The following PNPLA4 variants were observed in gnomAD, a reference collection of about 807,000 sequenced individuals.
PNPLA4 encodes the protein patatin like domain 4, phospholipase and triacylglycerol lipase.
In PNPLA4, 15 loss-of-function variants were observed where a neutral mutation model predicts 18.3. That is an observed-to-expected ratio of 0.82 (90% confidence interval 0.55 to 1.26). PNPLA4 has a LOEUF of 1.26. PNPLA4 is among the 50% of genes most tolerant of loss of function. The pLI is 0.00. For missense variants in PNPLA4, 229 were observed against 196.8 expected, an observed-to-expected ratio of 1.16 and a Z score of -0.98; for synonymous variants, 88 against 85.6, an observed-to-expected ratio of 1.03 and a Z score of -0.16.
chrX:7,922,003 C>T lies in PNPLA4; in HGVS notation c.275+1G>A. The T allele has an allele frequency of 8.4e-7, 1 of 1,196,932 alleles. No homozygotes were observed. Among genetic ancestry groups the T allele is most frequent in the Non-Finnish European group, 1.1e-6 (1 of 882,501 alleles). On this transcript the variant is annotated splice_donor_variant, in intron 3 of 6. Transcript: ENST00000381042. LOFTEE classifies it high-confidence loss of function. ...TTTTGGGCAAAATGTACTCTGTATACCTTAGTCGGGCCATGAAGTCATAAC... is the reference window on the plus strand; with the variant it reads ...TTTTGGGCAAAATGTACTCTGTATATCTTAGTCGGGCCATGAAGTCATAAC...
chrX:7,911,877 A>G, intron 5 of PNPLA4, 151 bp downstream of exon 5: 3 of 393,769 alleles, frequency 7.6e-6, no homozygotes, highest in East Asian at 8.7e-5. Context: ...AGCCCTGTAT[A>G]TTCTTTCCCT....
At chrX:7,909,833 C>G (rs1417939015) in intron 5 of PNPLA4, among the ~76,000 whole-genome samples, 1 of 111,249 alleles carries the variant, frequency 9.0e-6, no homozygotes, top group African/African-American at 3.3e-5. Context: ...CATTGCCCAA[C>G]AATGAAATAA....
intron 1 of PNPLA4, among the ~76,000 whole-genome samples, chrX:7,926,811 T>C (rs1924427668): frequency 1.8e-5 from 2 of 112,401 alleles, no homozygotes; most frequent in African/African-American, 6.5e-5. Context: ...CACATCTAAA[T>C]ACAAAATTAC....
intron 5 of PNPLA4, among the ~76,000 whole-genome samples, chrX:7,904,721 G>A (rs1923653635): frequency 8.9e-6 from 1 of 112,252 alleles, no homozygotes; most frequent in African/African-American, 3.2e-5. Context: ...TGAATTCTCT[G>A]GCTGTTCACA....
chrX:7,908,243 C>T (rs1923770682), intron 5 of PNPLA4, among the ~76,000 whole-genome samples: 1 of 111,467 alleles, frequency 9.0e-6, no homozygotes, highest in South Asian at 3.8e-4. Context: ...CTCTGCCTTT[C>T]CTGACTCAGT....
intron 2 of PNPLA4, among the ~76,000 whole-genome samples, chrX:7,922,909 G>A (rs1214920944): frequency 8.9e-6 from 1 of 112,231 alleles, no homozygotes; most frequent in African/African-American, 3.2e-5. Context: ...AGAGTCATAA[G>A]TGCCTCCAAG....
chrX:7,922,018 G>T lies in PNPLA4; in HGVS notation c.261C>A (p.Phe87Leu), dbSNP rs764570270. The change falls in exon 3 of 7, where the codon TTC (phenylalanine) becomes TTA (leucine). Residue 87 changes from phenylalanine to leucine, a missense_variant. By Grantham distance (22) the Phe-to-Leu change is conservative. Transcript: ENST00000381042. ...ACTCTGTATACCTTAGTCGGGCCAT[G>T]AAGTCATAACCGGGCGTTACTGCCC... ...SFGAVTPGYDFMARLRSGMES... is the reference protein window; with the variant it reads ...SFGAVTPGYDLMARLRSGMES... 18 of 1,204,152 alleles carry T rather than the reference G, an allele frequency of 1.5e-5. No homozygotes were observed. The East Asian group carries it at 4.7e-4, about 32-fold the overall frequency.
At chrX:7,901,439 T>C (rs993378563) in intron 6 of PNPLA4, among the ~76,000 whole-genome samples, 3 of 109,835 alleles carry the variant, frequency 2.7e-5, no homozygotes, top group African/African-American at 1.0e-4. Flanking sequence ...TTTAAAAAAG[T>C]AGTTGGGTGT....
At chrX:7,907,299 G>GT (rs1569104228) in intron 5 of PNPLA4, among the ~76,000 whole-genome samples, 2 of 112,204 alleles carry the variant, frequency 1.8e-5, no homozygotes, top group African/African-American at 6.5e-5. Flanking sequence ...AATTACAGGC[G>GT]TGAGCCACTG....
At chrX:7,901,584 C>T (rs1045981083) in intron 6 of PNPLA4, among the ~76,000 whole-genome samples, 2 of 111,320 alleles carry the variant, frequency 1.8e-5, no homozygotes, top group Non-Finnish European at 3.8e-5. Context: ...AACACCCTCT[C>T]TCAAAGAAGA....
At chrX:7,923,436 G>A (rs1924297028) in intron 2 of PNPLA4, among the ~76,000 whole-genome samples, 1 of 112,184 alleles carries the variant, frequency 8.9e-6, no homozygotes, top group African/African-American at 3.2e-5. Flanking sequence ...GAGAGAGTGA[G>A]CATGGACATT....
At chrX:7,911,943 A>C (rs1923888631) in intron 5 of PNPLA4, 85 bp downstream of exon 5, 3 of 645,116 alleles carry the variant, frequency 4.7e-6, no homozygotes, top group Non-Finnish European at 7.5e-6. Context: ...ATTTGAAGCC[A>C]CTAGAATAAT....
At chrX:7,909,155 T>C (rs930205692) in intron 5 of PNPLA4, among the ~76,000 whole-genome samples, 1 of 112,095 alleles carries the variant, frequency 8.9e-6, no homozygotes, top group Non-Finnish European at 1.9e-5. Flanking sequence ...CCAAGCTCAG[T>C]GACTTCAGTG....
intron 5 of PNPLA4, among the ~76,000 whole-genome samples, chrX:7,903,274 GTTTATTTATTTATTTATTTA>G (rs55848008): frequency 1.0e-3 from 94 of 93,039 alleles, no homozygotes; most frequent in African/African-American, 3.5e-3. Context: ...TCCTTCTTGT[GTTTATTTATTTATTTATTTA>G]TTTATTTATT....
intron 2 of PNPLA4, among the ~76,000 whole-genome samples, chrX:7,924,061 A>G (rs1171852764): frequency 9.0e-6 from 1 of 111,684 alleles, no homozygotes; most frequent in Non-Finnish European, 1.9e-5. Flanking sequence ...AATACTCTCC[A>G]TAGCCCGGAC....
chrX:7,921,651 T>G, intron 4 of PNPLA4, 62 bp downstream of exon 4: 1 of 1,005,202 alleles, frequency 9.9e-7, no homozygotes. Context: ...CTCATTACTT[T>G]ATATGAAGTA....
intron 5 of PNPLA4, among the ~76,000 whole-genome samples, chrX:7,902,744 C>A (rs941946220): frequency 8.1e-5 from 9 of 111,284 alleles, no homozygotes; most frequent in African/African-American, 3.0e-4. Context: ...CAGAAGCCTC[C>A]CAAGGAAGAA....
intron 4 of PNPLA4, among the ~76,000 whole-genome samples, chrX:7,918,318 C>T (rs1170290105): frequency 2.7e-5 from 3 of 111,590 alleles, no homozygotes; most frequent in East Asian, 2.8e-4. Context: ...GTGAAAGGCA[C>T]GTTTTACATG....
rs573768946 is a variant in PNPLA4 at position 7,923,327 on chromosome X, T to C, written c.181-1229A>G. ...GAGAGATTTGAAGATGCTGTGCTTA[T>C]GGCTTTAGAAATCAAGGAAGGGGTC... On this transcript the variant is annotated intron_variant, in intron 2 of 6. Transcript: ENST00000381042. Among the ~76,000 whole-genome samples the C allele has an allele frequency of 1.7e-4, 19 of 111,733 alleles. No individual in the cohort carries two copies. In the South Asian group the frequency reaches 7.3e-3, roughly 43 times the overall value.
Sources: allele counts gnomAD v4.1 joint callset (sites outside exome capture counted in the v4.1 genomes callset), GRCh38; gene constraint gnomAD v4.1.1; transcripts MANE v1.5; gene names NCBI Gene and HGNC (gene_info 2026-07-23, HGNC 2026-07-21).